The following MCCC2 variants were observed in gnomAD, a reference collection of about 807,000 sequenced individuals.
The protein encoded by MCCC2 is methylcrotonoyl-CoA carboxylase beta chain, mitochondrial.
A neutral mutation model predicts 77.2 loss-of-function variants in MCCC2; 52 were observed. The ratio of observed to expected loss-of-function variants is 0.67; its 90% CI spans 0.54 to 0.85. MCCC2 has a LOEUF of 0.85. MCCC2 is among the 40% of genes least tolerant of loss of function. The probability of loss-of-function intolerance (pLI) is 0.00; values close to 1 mark genes in which losing one functional copy is unlikely to be tolerated. For synonymous variants in MCCC2, 253 were observed against 248.4 expected, an observed-to-expected ratio of 1.02 and a Z score of -0.18; for missense variants, 682 against 703.2, an observed-to-expected ratio of 0.97 and a Z score of 0.34.
chr5:71,616,790 G>A (rs890829575), intron 6 of MCCC2, among the ~76,000 whole-genome samples: 2 of 152,018 alleles, frequency 1.3e-5, no homozygotes, highest in Non-Finnish European at 2.9e-5. Context: ...CTCTGATGCC[G>A]GGCACAAAGT....
At chr5:71,593,889 T>C (rs1301246489) in intron 2 of MCCC2, among the ~76,000 whole-genome samples, 1 of 152,162 alleles carries the variant, frequency 6.6e-6, no homozygotes, top group Non-Finnish European at 1.5e-5. Context: ...AGTATAAAAA[T>C]AGTGAAGAAG....
rs141030969 is a variant in MCCC2 at position 71,602,585 on chromosome 5, C to T, written c.463C>T (p.Arg155Trp). 88 of 1,613,980 alleles carry T rather than the reference C, an allele frequency of 5.5e-5. No individual in the cohort carries two copies. Among genetic ancestry groups the T allele is most frequent in the Middle Eastern group, 1.6e-4 (1 of 6,084 alleles). The part of the protein sequence containing the change: ...YYPVTVKKQL[R>W]AQEIAMQNRL... ...CCCAGTGACTGTGAAAAAACAATTA[C>T]GGGCCCAAGAAATTGCCATGCAAAA... The change falls in exon 5 of 17, where the codon CGG becomes TGG. Residue 155 changes from arginine (R) to tryptophan (W), a missense_variant. Arg to Trp is a moderately radical substitution (Grantham distance 101). Transcript: ENST00000340941.
At chr5:71,645,580 A>G (rs941800779) in intron 12 of MCCC2, among the ~76,000 whole-genome samples, 3 of 152,260 alleles carry the variant, frequency 2.0e-5, no homozygotes, top group African/African-American at 7.2e-5. Context: ...CAAAATGGAA[A>G]TGTCATCTTC....
intron 2 of MCCC2, 26 bp from the exon 3 acceptor site, chr5:71,596,254 C>G: frequency 1.3e-6 from 2 of 1,596,916 alleles, no homozygotes; most frequent in Non-Finnish European, 1.7e-6. Context: ...TCAATCTAAT[C>G]TAATCTAATC....
intron 6 of MCCC2, among the ~76,000 whole-genome samples, chr5:71,613,840 A>T (rs535882016): frequency 1.3e-5 from 2 of 152,082 alleles, no homozygotes; most frequent in East Asian, 3.9e-4. Flanking sequence ...ATAGCCGGAC[A>T]TCTTCAGTGC....
Position 71,634,933 on chromosome 5 carries a change from T to C in MCCC2, c.804-10T>C, listed in dbSNP as rs1295275733. The C allele has an allele frequency of 5.6e-6, 9 of 1,612,994 alleles. No homozygotes were observed. The highest frequency in any genetic ancestry group is 7.6e-6 in the Non-Finnish European group (9 of 1,179,212). On this transcript the variant is annotated splice_polypyrimidine_tract_variant and intron_variant, in intron 8 of 16. Coordinates refer to ENST00000340941, the MANE Select transcript of MCCC2 (RefSeq NM_022132.5). ...CCTGTTCTGACAAGTTTAGTTTGCTTATTCTGTAGAAAGTCTGGAGTAAGT... is the reference window on the plus strand; with the variant it reads ...CCTGTTCTGACAAGTTTAGTTTGCTCATTCTGTAGAAAGTCTGGAGTAAGT...
intron 6 of MCCC2, among the ~76,000 whole-genome samples, chr5:71,613,073 A>G (rs1264733439): frequency 2.0e-5 from 3 of 152,134 alleles, no homozygotes; most frequent in Admixed American, 2.0e-4. Flanking sequence ...TTCTCTGGGT[A>G]TCTGGGTCTT....
intron 7 of MCCC2, among the ~76,000 whole-genome samples, chr5:71,630,250 G>T (rs772954029): frequency 6.6e-5 from 10 of 152,180 alleles, no homozygotes; most frequent in Non-Finnish European, 1.2e-4. Flanking sequence ...GTAGTGTGGG[G>T]TGTAGTGCTG....
At position 71,646,206 on chromosome 5, in the gene MCCC2, T is replaced by A; in HGVS notation, c.1150-5T>A. ...TAAAAAGATTTTTATGTTATTTGCTTATAGGGTACTCACTTTGTCCAGTTA... is the reference window on the plus strand; with the variant it reads ...TAAAAAGATTTTTATGTTATTTGCTAATAGGGTACTCACTTTGTCCAGTTA... On this transcript the variant is annotated splice_region_variant and splice_polypyrimidine_tract_variant and intron_variant, in intron 12 of 16. Coordinates refer to ENST00000340941, the MANE Select transcript of MCCC2 (RefSeq NM_022132.5). The A allele has an allele frequency of 6.2e-7, 1 of 1,612,852 alleles. No individual in the cohort carries two copies. Among genetic ancestry groups the A allele is most frequent in the Non-Finnish European group, 8.5e-7 (1 of 1,178,984 alleles).
At chr5:71,635,602 GAA>G in intron 10 of MCCC2, 1 of 358,472 alleles carries the variant, frequency 2.8e-6, no homozygotes, top group Non-Finnish European at 5.4e-6. Context: ...GGAAATGGGT[GAA>G]ATGTCAGTAA....
Position 71,658,464 on chromosome 5 carries a change from T to C in MCCC2, c.*1604T>C, listed in dbSNP as rs553887385. Reference sequence around the variant, plus strand: ...ACTTCCTTTGTCATAAACTCATCATTTTCCTATAAACATTAATATTGTCCT... The same window carrying C: ...ACTTCCTTTGTCATAAACTCATCATCTTCCTATAAACATTAATATTGTCCT... On this transcript the variant is annotated 3_prime_UTR_variant, in exon 17 of 17. Transcript: ENST00000340941. 46 of 152,334 alleles carry C rather than the reference T, an allele frequency of 3.0e-4. 1 individual carries two copies. The highest frequency in any genetic ancestry group is 1.0e-3 in the African/African-American group (42 of 41,576). 9.4% of individuals were successfully genotyped at this position (152,334 alleles called of 1,614,324 possible). A position where few individuals can be genotyped will look rare whatever the true frequency, so the allele number is the denominator to read the frequency against.
intron 6 of MCCC2, among the ~76,000 whole-genome samples, chr5:71,611,125 G>A (rs963938134): frequency 1.3e-5 from 2 of 152,172 alleles, no homozygotes; most frequent in Non-Finnish European, 2.9e-5. Context: ...TCATGGCCAG[G>A]CACTGTGACT....
At chr5:71,601,528 A>G (rs899847396) in intron 4 of MCCC2, among the ~76,000 whole-genome samples, 1 of 152,206 alleles carries the variant, frequency 6.6e-6, no homozygotes, top group Non-Finnish European at 1.5e-5. Flanking sequence ...GACCTAGGGA[A>G]TAAAATTGAT....
At chr5:71,654,702 C>G (rs1246323599) in intron 16 of MCCC2, among the ~76,000 whole-genome samples, 1 of 152,012 alleles carries the variant, frequency 6.6e-6, no homozygotes, top group Non-Finnish European at 1.5e-5. Context: ...AAGATTGCAT[C>G]TTTTATTATT....
chr5:71,589,785 G>T (rs1453834564), intron 1 of MCCC2, among the ~76,000 whole-genome samples: 2 of 152,186 alleles, frequency 1.3e-5, no homozygotes, highest in Non-Finnish European at 2.9e-5. Context: ...CTGTGCAGTA[G>T]GTACAATTGT....
chr5:71,635,727 T>G (rs1322220258), intron 10 of MCCC2: 1 of 241,606 alleles, frequency 4.1e-6, no homozygotes, highest in Non-Finnish European at 8.1e-6. Context: ...TAGTGTTCTG[T>G]AATTTAGATG....
At chr5:71,632,032 A>G (rs1424478721) in intron 7 of MCCC2, 89 bp from the exon 8 acceptor site, 2 of 1,101,526 alleles carry the variant, frequency 1.8e-6, no homozygotes, top group Admixed American at 1.7e-5. Flanking sequence ...AAGTACAGGT[A>G]TAGTCAGGTG....
rs1426433100 is a variant in MCCC2 at position 71,650,262 on chromosome 5, G to A, written c.1488+79G>A. ...CCTGGAGCCAAGGAGCAGCGTGCCT[G>A]GAAGCCCTTGGTGTTCATGGCTGGG... On this transcript the variant is annotated intron_variant, in intron 15 of 16. Transcript: ENST00000340941. 6 of 1,196,936 alleles carry A rather than the reference G, an allele frequency of 5.0e-6. No individual in the cohort carries two copies. The African/African-American group carries it at 9.0e-5, about 18-fold the overall frequency. The allele number at this position is 1,196,936 out of a possible 1,614,324, so 74.1% of individuals were successfully genotyped here.
At chr5:71,649,334 G>A (rs990802781) in intron 14 of MCCC2, 81 bp downstream of exon 14, 1 of 1,323,398 alleles carries the variant, frequency 7.6e-7, no homozygotes, top group Non-Finnish European at 1.1e-6. Context: ...AGGTGTATTT[G>A]AAATATAGAA....
Sources: gnomAD v4.1 joint callset for allele counts (sites outside exome capture counted in the v4.1 genomes callset) on GRCh38, gnomAD v4.1.1 for gene constraint, MANE v1.5 for transcripts, NCBI Gene and HGNC (gene_info 2026-07-23, HGNC 2026-07-21) for gene names.